The following CLSTN2 variants were observed in gnomAD, a reference collection of about 807,000 sequenced individuals.
CLSTN2 encodes the protein calsyntenin 2.
A neutral mutation model predicts 101.2 loss-of-function variants in CLSTN2; 48 were observed. That is an observed-to-expected ratio of 0.47 (90% CI 0.38 to 0.60). CLSTN2 has a LOEUF of 0.60. Among genes scored for constraint, CLSTN2 ranks in the 20% least tolerant of loss-of-function variants. CLSTN2 has a pLI of 0.00. For missense variants in CLSTN2, 1,160 were observed against 1,238.2 expected, an observed-to-expected ratio of 0.94 and a Z score of 0.95; for synonymous variants, 481 against 463.6, an observed-to-expected ratio of 1.04 and a Z score of -0.48.
intron 1 of CLSTN2, among the ~76,000 whole-genome samples, chr3:139,986,907 G>A (rs1034076635): frequency 3.3e-5 from 5 of 152,140 alleles, no homozygotes; most frequent in African/African-American, 9.7e-5. Context: ...GAGAAACAGC[G>A]TTGGTATGAA....
chr3:140,313,013 A>G (rs1026638115), intron 2 of CLSTN2, among the ~76,000 whole-genome samples: 6 of 152,218 alleles, frequency 3.9e-5, no homozygotes, highest in African/African-American at 1.4e-4. Flanking sequence ...AAGCAATGCA[A>G]GGATTCTGGT....
chr3:140,074,861 C>A (rs1364297309), intron 1 of CLSTN2, among the ~76,000 whole-genome samples: 1 of 152,190 alleles, frequency 6.6e-6, no homozygotes, highest in Non-Finnish European at 1.5e-5. Context: ...CACTGCAATG[C>A]CTTCCCTGGC....
intron 2 of CLSTN2, among the ~76,000 whole-genome samples, chr3:140,389,278 A>G (rs2107969438): frequency 6.6e-6 from 1 of 152,214 alleles, no homozygotes; most frequent in East Asian, 1.9e-4. Flanking sequence ...ATTTATTCTG[A>G]CGTGCTCCCT....
At chr3:140,556,437 T>C in intron 10 of CLSTN2, 76 bp from the exon 11 acceptor site, 1 of 1,447,034 alleles carries the variant, frequency 6.9e-7, no homozygotes, top group Non-Finnish European at 9.6e-7. Context: ...GTGCCCTGTA[T>C]GGACAGGAAG....
intron 1 of CLSTN2, among the ~76,000 whole-genome samples, chr3:140,158,882 A>G (rs1156460340): frequency 1.3e-5 from 2 of 152,190 alleles, no homozygotes; most frequent in African/African-American, 2.4e-5. Context: ...CCGCACAGGT[A>G]CAGCCATCTG....
In CLSTN2 at chr3:140,573,279, G is replaced by A. The variant is rs1286700330; in HGVS notation, c.*7026G>A. On this transcript the variant is annotated 3_prime_UTR_variant, in exon 17 of 17. Transcript: ENST00000458420. ...GCACTGCTCTGTTTGTTTGTAATGA[G>A]ACTGGGGCATGCAGCATCACAATTC... 1 of 152,220 alleles carries A rather than the reference G, an allele frequency of 6.6e-6. No homozygotes were observed. The highest frequency in any genetic ancestry group is 1.5e-5 in the Non-Finnish European group (1 of 68,052). The allele number at this position is 152,220 out of a possible 1,614,324, so 9.4% of individuals were successfully genotyped here. A position where few individuals can be genotyped will look rare whatever the true frequency, so the allele number is the denominator to read the frequency against.
At chr3:140,258,303 T>C (rs554977542) in intron 2 of CLSTN2, among the ~76,000 whole-genome samples, 1 of 152,248 alleles carries the variant, frequency 6.6e-6, no homozygotes, top group East Asian at 1.9e-4. Flanking sequence ...TAGAGACATA[T>C]GTAGCTGAAG....
At chr3:140,153,442 T>G (rs994516856) in intron 1 of CLSTN2, among the ~76,000 whole-genome samples, 4 of 152,264 alleles carry the variant, frequency 2.6e-5, no homozygotes, top group Admixed American at 6.5e-5. Context: ...AGAGCAGGGC[T>G]TCCCCTCCAG....
chr3:140,098,245 T>C (rs1417590807), intron 1 of CLSTN2, among the ~76,000 whole-genome samples: 3 of 152,226 alleles, frequency 2.0e-5, no homozygotes, highest in Non-Finnish European at 4.4e-5. Context: ...TAGACACCTA[T>C]TTCTGCAAAT....
At chr3:140,449,158 G>A (rs543819778) in intron 6 of CLSTN2, among the ~76,000 whole-genome samples, 2 of 152,252 alleles carry the variant, frequency 1.3e-5, no homozygotes, top group South Asian at 4.2e-4. Context: ...TATAATTTGT[G>A]GGGCCCAGTG....
chr3:139,958,413 C>T (rs1410434627), intron 1 of CLSTN2, among the ~76,000 whole-genome samples: 1 of 152,142 alleles, frequency 6.6e-6, no homozygotes, highest in Non-Finnish European at 1.5e-5. Flanking sequence ...CTGTATTTCT[C>T]CTTCCTCTGC....
chr3:140,269,625 A>T (rs2086723764), intron 2 of CLSTN2, among the ~76,000 whole-genome samples: 1 of 152,180 alleles, frequency 6.6e-6, no homozygotes, highest in South Asian at 2.1e-4. Flanking sequence ...AAAGCTTTCG[A>T]TATTATTGAG....
intron 1 of CLSTN2, among the ~76,000 whole-genome samples, chr3:140,085,442 C>T (rs1319612725): frequency 6.6e-6 from 1 of 152,156 alleles, no homozygotes; most frequent in African/African-American, 2.4e-5. Context: ...GGACATTTCT[C>T]CAAGTCTTCT....
At chr3:140,460,360 C>T (rs934655604) in intron 7 of CLSTN2, 1 of 157,168 alleles carries the variant, frequency 6.4e-6, no homozygotes, top group South Asian at 1.9e-4. Flanking sequence ...GTTGTTTAGC[C>T]TTTCTGTGTC....
chr3:140,563,537 C>T (rs777175284), intron 15 of CLSTN2, among the ~76,000 whole-genome samples: 8 of 152,172 alleles, frequency 5.3e-5, no homozygotes, highest in South Asian at 2.1e-4. Flanking sequence ...CATATTGCAA[C>T]GTCCTCTGCC....
chr3:140,010,005 C>T (rs925757505), intron 1 of CLSTN2, among the ~76,000 whole-genome samples: 1 of 152,136 alleles, frequency 6.6e-6, no homozygotes, highest in African/African-American at 2.4e-5. Context: ...CTGGCCTTCC[C>T]TCAGACTAGG....
chr3:140,363,530 A>G (rs2087752104), intron 2 of CLSTN2, among the ~76,000 whole-genome samples: 1 of 152,210 alleles, frequency 6.6e-6, no homozygotes, highest in East Asian at 1.9e-4. Context: ...TGATTCTCCA[A>G]CATCACTGAT....
chr3:140,250,378 C>T (rs1236832837), intron 2 of CLSTN2, among the ~76,000 whole-genome samples: 1 of 152,146 alleles, frequency 6.6e-6, no homozygotes, highest in Admixed American at 6.5e-5. Flanking sequence ...GGGCAGATGG[C>T]TTGAGAATAA....
chr3:139,957,783 A>G (rs1396669693), intron 1 of CLSTN2, among the ~76,000 whole-genome samples: 1 of 152,154 alleles, frequency 6.6e-6, no homozygotes, highest in African/African-American at 2.4e-5. Flanking sequence ...GGCACAAGCT[A>G]AGACCAGCCT....
Sources: gnomAD v4.1 joint callset for allele counts (sites outside exome capture counted in the v4.1 genomes callset) on GRCh38, gnomAD v4.1.1 for gene constraint, MANE v1.5 for transcripts, NCBI Gene and HGNC (gene_info 2026-07-23, HGNC 2026-07-21) for gene names.